Variants in COL5A2 observed in about 807,000 individuals in gnomAD.
COL5A2 encodes the protein collagen alpha-2(V) chain.
A neutral mutation model predicts 208.2 loss-of-function variants in COL5A2; 23 were observed. The observed-to-expected ratio is 0.11, with a 90% CI of 0.08 to 0.16. The LOEUF is 0.16. Among genes scored for constraint, COL5A2 ranks in the 10% least tolerant of loss-of-function variants. The pLI is 1.00. For synonymous variants in COL5A2, 625 were observed against 628.5 expected (o/e 0.99, Z 0.08); for missense variants, 1,590 against 1,956.4 (o/e 0.81, Z 3.53).
At chr2:189,253,792 T>G in the COL5A2 span, among the ~76,000 whole-genome samples, 2 of 152,220 alleles carry the variant, frequency 1.3e-5, no homozygotes, top group Non-Finnish European at 2.9e-5. Flanking sequence ...TTCATATTAT[T>G]CTTGACCCTT....
chr2:189,198,581 T>C (rs1438274785), intron 1 of COL5A2, among the ~76,000 whole-genome samples: 1 of 152,120 alleles, frequency 6.6e-6, no homozygotes, highest in Non-Finnish European at 1.5e-5. Flanking sequence ...GTTTGAGACA[T>C]AATGAACAGT....
chr2:189,150,337 G>A (rs1280086110), intron 1 of COL5A2, among the ~76,000 whole-genome samples: 1 of 152,078 alleles, frequency 6.6e-6, no homozygotes, highest in Admixed American at 6.6e-5. Flanking sequence ...GGCAAACAGA[G>A]CTCCTGCTAA....
the COL5A2 span, among the ~76,000 whole-genome samples, chr2:189,389,746 G>A: frequency 1.3e-5 from 2 of 151,932 alleles, no homozygotes; most frequent in Non-Finnish European, 2.9e-5. Flanking sequence ...CACATAACAT[G>A]GTTTCTCTCA....
intron 47 of COL5A2, among the ~76,000 whole-genome samples, chr2:189,044,020 T>A (rs1265702578): frequency 6.6e-6 from 1 of 152,192 alleles, no homozygotes; most frequent in Non-Finnish European, 1.5e-5. Flanking sequence ...GGTTTTGTTT[T>A]GTTTTAAGTC....
intron 11 of COL5A2, 50 bp from the exon 12 acceptor site, chr2:189,084,087 G>T: frequency 8.1e-7 from 1 of 1,239,170 alleles, no homozygotes; most frequent in Non-Finnish European, 1.2e-6. Flanking sequence ...TGATTAAAAG[G>T]TTCTTCTCTG....
At chr2:189,174,096 C>T (rs1196965463) in intron 1 of COL5A2, among the ~76,000 whole-genome samples, 2 of 152,138 alleles carry the variant, frequency 1.3e-5, no homozygotes, top group African/African-American at 4.8e-5. Context: ...ATTCTGTGGC[C>T]ATAGATTAAC....
Position 189,097,333 on chromosome 2 carries a change from A to G in COL5A2, c.403-3T>C, listed in dbSNP as rs369733690. 231 of 1,613,932 alleles carry G rather than the reference A, an allele frequency of 1.4e-4. No homozygotes were observed. The highest frequency in any genetic ancestry group is 1.9e-4 in the Non-Finnish European group (222 of 1,179,970). ...GGTCCCTGTGATCCTGGAGGTCCCT[A>G]AAACAGAAAATGATGATTATGCATG... is the stretch of plus-strand genomic sequence containing the variant. On this transcript the variant is annotated splice_region_variant and splice_polypyrimidine_tract_variant and intron_variant, in intron 5 of 53. Coordinates refer to ENST00000374866, the MANE Select transcript of COL5A2 (RefSeq NM_000393.5).
the COL5A2 span, among the ~76,000 whole-genome samples, chr2:189,437,236 T>C: frequency 6.6e-6 from 1 of 152,156 alleles, no homozygotes; most frequent in East Asian, 1.9e-4. Flanking sequence ...GGCTGGCCCG[T>C]GGGAGGCACC....
At chr2:189,070,595 T>C (rs1436838801) in intron 18 of COL5A2, among the ~76,000 whole-genome samples, 2 of 151,760 alleles carry the variant, frequency 1.3e-5, no homozygotes, top group African/African-American at 4.8e-5. Flanking sequence ...GTAACCAGAG[T>C]GAATGGTTGT....
At chr2:189,400,168 T>G in the COL5A2 span, among the ~76,000 whole-genome samples, 1 of 152,214 alleles carries the variant, frequency 6.6e-6, no homozygotes, top group Non-Finnish European at 1.5e-5. Flanking sequence ...ATGTTTTTCT[T>G]GATACTTATC....
Position 189,039,274 on chromosome 2 carries a change from C to G in COL5A2, c.3923G>C (p.Ser1308Thr). 6.2e-7 allele frequency: 1 copy of G among 1,613,862 alleles called. No homozygotes were observed. The highest frequency in any genetic ancestry group is 8.5e-7 in the Non-Finnish European group (1 of 1,179,936). Residue 1308 changes from serine to threonine, a missense_variant and splice_region_variant, in exon 51 of 54, where the codon AGT (serine) becomes ACT (threonine). By Grantham distance (58) the Ser-to-Thr change is moderately conservative (BLOSUM62 1). Coordinates refer to ENST00000374866, the MANE Select transcript of COL5A2 (RefSeq NM_000393.5). ...CAAATGGGCTGCTGTCTACTCACCACTCTGCTTTGCGGAATGGCAAAGCTT... is the reference window on the plus strand; with the variant it reads ...CAAATGGGCTGCTGTCTACTCACCAGTCTGCTTTGCGGAATGGCAAAGCTT... ...DLKLCHSAKQSGEYWIDPNQG... is the reference protein window; with the variant it reads ...DLKLCHSAKQTGEYWIDPNQG...
At chr2:189,071,656 T>C (rs577928600) in intron 18 of COL5A2, among the ~76,000 whole-genome samples, 24 of 152,272 alleles carry the variant, frequency 1.6e-4, no homozygotes, top group African/African-American at 5.8e-4. Context: ...TTTAACCTCC[T>C]AACCTCCTAT....
At chr2:189,163,398 C>T (rs1383422249) in intron 1 of COL5A2, among the ~76,000 whole-genome samples, 1 of 152,168 alleles carries the variant, frequency 6.6e-6, no homozygotes, top group East Asian at 1.9e-4. Flanking sequence ...GATGCATTTA[C>T]ATATTTTCTC....
At chr2:189,360,232 G>T in the COL5A2 span, among the ~76,000 whole-genome samples, 1 of 152,022 alleles carries the variant, frequency 6.6e-6, no homozygotes, top group Admixed American at 6.6e-5. Context: ...ATTCACTACT[G>T]TATGCTCAGC....
At chr2:189,171,441 A>G (rs1390726178) in intron 1 of COL5A2, among the ~76,000 whole-genome samples, 2 of 152,244 alleles carry the variant, frequency 1.3e-5, no homozygotes, top group East Asian at 3.8e-4. Context: ...TGAGGGATAG[A>G]TGATGAGGGC....
intron 35 of COL5A2, among the ~76,000 whole-genome samples, chr2:189,055,371 T>C (rs1685881336): frequency 1.3e-5 from 2 of 152,158 alleles, no homozygotes; most frequent in Non-Finnish European, 2.9e-5. Context: ...AATATTGAAG[T>C]CCTCTTTAAA....
the COL5A2 span, among the ~76,000 whole-genome samples, chr2:189,418,980 G>A: frequency 1.3e-5 from 2 of 152,242 alleles, no homozygotes; most frequent in East Asian, 3.9e-4. Context: ...AATAGTTACA[G>A]GAACCTGAAG....
At position 189,179,752 on chromosome 2, in the gene COL5A2, C is replaced by T; in HGVS notation, c.-148G>A. ...CCCCCTTTTTCAGCACCAGCTCCAG[C>T]ACAGTCTGCGAAAACTTTTTTCAAG... On this transcript the variant is annotated 5_prime_UTR_variant, in exon 1 of 54. Coordinates refer to ENST00000374866, the MANE Select transcript of COL5A2 (RefSeq NM_000393.5). 1 of 1,414,542 alleles carries T rather than the reference C, an allele frequency of 7.1e-7. No homozygotes were observed. Among genetic ancestry groups the T allele is most frequent in the Non-Finnish European group, 9.5e-7 (1 of 1,049,156 alleles). The allele number at this position is 1,414,542 out of a possible 1,614,324, so 87.6% of individuals were successfully genotyped here.
chr2:189,039,179 T>C (rs1685505074), intron 51 of COL5A2, 93 bp downstream of exon 51: 2 of 1,435,034 alleles, frequency 1.4e-6, no homozygotes, highest in East Asian at 4.5e-5. Flanking sequence ...AATCTATCAC[T>C]AAGTAGAAAG....
Sources: gnomAD v4.1 joint callset for allele counts (sites outside exome capture counted in the v4.1 genomes callset) on GRCh38, gnomAD v4.1.1 for gene constraint, MANE v1.5 for transcripts, NCBI Gene and HGNC (gene_info 2026-07-23, HGNC 2026-07-21) for gene names.